MRPS18A: variants seen among roughly 807,000 people sequenced by gnomAD.
MRPS18A encodes the protein mitochondrial ribosomal protein S18A, also known as large ribosomal subunit protein mL66.
A neutral mutation model predicts 22.7 loss-of-function variants in MRPS18A; 20 were observed. That is an observed-to-expected ratio of 0.88 (90% confidence interval 0.62 to 1.28). MRPS18A has a LOEUF of 1.28. MRPS18A is among the 50% of genes most tolerant of loss of function. The pLI is 0.00. For missense variants in MRPS18A, 294 were observed against 262.6 expected (o/e 1.12, Z -0.83); for synonymous variants, 106 against 99.1 (o/e 1.07, Z -0.41).
intron 3 of MRPS18A, 149 bp from the exon 4 acceptor site, chr6:43,675,766 C>A: frequency 1.1e-6 from 1 of 879,222 alleles, no homozygotes; most frequent in Non-Finnish European, 1.6e-6. Flanking sequence ...GCACATGGGT[C>A]TGCTACCTTC....
At chr6:43,679,587 A>C (rs1363317789) in intron 2 of MRPS18A, among the ~76,000 whole-genome samples, 24 of 152,166 alleles carry the variant, frequency 1.6e-4, no homozygotes, top group Non-Finnish European at 1.5e-5. Context: ...CTCCAATTGC[A>C]AGAGGGGAGT....
At chr6:43,674,228 C>T (rs971951840) in intron 5 of MRPS18A, among the ~76,000 whole-genome samples, 3 of 152,118 alleles carry the variant, frequency 2.0e-5, no homozygotes, top group Non-Finnish European at 4.4e-5. Flanking sequence ...ATCCCACACC[C>T]CCTACCCTCC....
chr6:43,686,942 G>A (rs565808939), intron 1 of MRPS18A, among the ~76,000 whole-genome samples: 2 of 152,286 alleles, frequency 1.3e-5, no homozygotes, highest in African/African-American at 4.8e-5. Flanking sequence ...TCACGTAAAA[G>A]GCTAACTTGC....
Position 43,673,239 on chromosome 6 carries a change from C to T in MRPS18A, c.447-1333G>A, listed in dbSNP as rs1403943954. On this transcript the variant is annotated intron_variant, in intron 5 of 5. Transcript: ENST00000372133. This position sits in a 1 kb window ranked among gnomAD's most constrained non-coding sequence, Gnocchi z 4.2. ...CTGACCTCAAGTGATCCGCCCGCCT[C>T]GGCCTCCCAAATTGCTGGGATTACA... Among the ~76,000 whole-genome samples, 1 of 152,064 alleles carries T rather than the reference C, an allele frequency of 6.6e-6. No individual in the cohort carries two copies. Among genetic ancestry groups the T allele is most frequent in the East Asian group, 1.9e-4 (1 of 5,186 alleles).
chr6:43,678,491 AC>A (rs534012396), intron 3 of MRPS18A, 26 bp downstream of exon 3: 25 of 1,511,828 alleles, frequency 1.7e-5, no homozygotes, highest in Non-Finnish European at 2.1e-5. Flanking sequence ...GACACACAGA[AC>A]CGAGTGTCTC....
intron 1 of MRPS18A, among the ~76,000 whole-genome samples, chr6:43,686,204 A>T (rs574215953): frequency 1.3e-5 from 2 of 152,320 alleles, no homozygotes; most frequent in African/African-American, 4.8e-5. Flanking sequence ...TTTTTTCTGG[A>T]AGCATAGCAA....
At chr6:43,678,916 TG>T (rs923657055) in intron 2 of MRPS18A, among the ~76,000 whole-genome samples, 2 of 149,480 alleles carry the variant, frequency 1.3e-5, no homozygotes, top group African/African-American at 5.0e-5. Flanking sequence ...CTCTATCAAT[TG>T]AATGCTACCT....
Position 43,677,108 on chromosome 6 carries a change from G to T in MRPS18A, c.252+1410C>A, listed in dbSNP as rs1233682409. On this transcript the variant is annotated intron_variant, in intron 3 of 5. Transcript: ENST00000372133. ...TATGTTTCCTGGAAAAGGCTGGTAG[G>T]AAGAGTGCCCTACAGTGGTTGGGCG... 2.0e-5 allele frequency among the ~76,000 whole-genome samples: 3 copies of T among 152,316 alleles called. No homozygotes were observed. In the East Asian group the frequency reaches 5.8e-4, roughly 29 times the overall value.
At chr6:43,680,724 C>T (rs187507074) in intron 2 of MRPS18A, among the ~76,000 whole-genome samples, 310 of 152,342 alleles carry the variant, frequency 2.0e-3, no homozygotes, top group African/African-American at 7.1e-3. Context: ...AACTGAGGTC[C>T]AGGCTCTTGG....
chr6:43,678,938 G>A (rs201028147), intron 2 of MRPS18A, among the ~76,000 whole-genome samples: 6 of 94,508 alleles, frequency 6.3e-5, no homozygotes, highest in Admixed American at 3.9e-4. Flanking sequence ...TTCCGTCCTC[G>A]AAAAAAACAA....
intron 1 of MRPS18A, among the ~76,000 whole-genome samples, chr6:43,681,796 A>G (rs1418302081): frequency 1.3e-5 from 2 of 152,206 alleles, no homozygotes; most frequent in African/African-American, 2.4e-5. Flanking sequence ...GCCATTCCAA[A>G]CAGAGAGGGA....
chr6:43,674,656 G>A (rs1327870208), intron 5 of MRPS18A, among the ~76,000 whole-genome samples: 1 of 152,172 alleles, frequency 6.6e-6, no homozygotes, highest in Non-Finnish European at 1.5e-5. Flanking sequence ...TCCAAGGTCT[G>A]CAGGCCATCC....
At chr6:43,681,872 TTG>T (rs750436694) in intron 1 of MRPS18A, among the ~76,000 whole-genome samples, 3 of 152,254 alleles carry the variant, frequency 2.0e-5, no homozygotes, top group African/African-American at 7.2e-5. Flanking sequence ...AGACAATCAG[TTG>T]CACACGTCTG....
intron 1 of MRPS18A, among the ~76,000 whole-genome samples, chr6:43,687,163 T>C (rs1004108704): frequency 6.6e-6 from 1 of 152,170 alleles, no homozygotes; most frequent in African/African-American, 2.4e-5. Context: ...ATGTCTCAGC[T>C]ATTCAATGGC....
chr6:43,676,717 C>T (rs978093538), intron 3 of MRPS18A, among the ~76,000 whole-genome samples: 2 of 152,268 alleles, frequency 1.3e-5, no homozygotes, highest in Non-Finnish European at 2.9e-5. Flanking sequence ...CACCATTCCC[C>T]TCCCTGCAAG....
At chr6:43,684,668 C>T (rs1774591909) in intron 1 of MRPS18A, among the ~76,000 whole-genome samples, 1 of 152,086 alleles carries the variant, frequency 6.6e-6, no homozygotes, top group Non-Finnish European at 1.5e-5. Context: ...CAACTCACTC[C>T]TCTCTCAAAG....
At chr6:43,672,484 C>T (rs1773791419) in intron 5 of MRPS18A, 1 of 468,302 alleles carries the variant, frequency 2.1e-6, no homozygotes, top group Admixed American at 2.4e-5. Flanking sequence ...GGCTGCCGCC[C>T]ATGGACCTTT....
intron 4 of MRPS18A, 83 bp from the exon 5 acceptor site, chr6:43,675,354 G>C: frequency 4.4e-6 from 7 of 1,587,424 alleles, no homozygotes; most frequent in Non-Finnish European, 6.0e-6. Flanking sequence ...AAGGGAGCGG[G>C]AAGGTTGGCA....
At chr6:43,672,725 A>G (rs1424374733) in intron 5 of MRPS18A, 1 of 183,030 alleles carries the variant, frequency 5.5e-6, no homozygotes, top group Non-Finnish European at 1.2e-5. Context: ...AAGCTTTTTT[A>G]TTTAAAAACT....
Sources: gnomAD v4.1 joint callset for allele counts (sites outside exome capture counted in the v4.1 genomes callset) on GRCh38, gnomAD v4.1.1 for gene constraint, Gnocchi (gnomAD v3.1) non-coding constraint, MANE v1.5 for transcripts, NCBI Gene and HGNC (gene_info 2026-07-23, HGNC 2026-07-21) for gene names.